Variants in WDPCP observed in about 807,000 individuals in gnomAD.
WDPCP encodes WD repeat-containing and planar cell polarity effector protein fritz homolog.
In WDPCP, 71 loss-of-function variants were observed where a neutral mutation model predicts 93.1. The observed-to-expected ratio is 0.76, with a 90% CI of 0.63 to 0.93. The LOEUF is 0.93. WDPCP is among the 40% of genes least tolerant of loss of function. The probability of loss-of-function intolerance (pLI) is 0.00; values close to 1 mark genes in which losing one functional copy is unlikely to be tolerated. For missense variants in WDPCP, 844 were observed against 887.4 expected (o/e 0.95, Z 0.62); for synonymous variants, 315 against 315.0 (o/e 1.00, Z 0.00).
intron 6 of WDPCP, among the ~76,000 whole-genome samples, chr2:63,448,792 C>T (rs1057192460): frequency 1.3e-5 from 2 of 152,146 alleles, no homozygotes; most frequent in Non-Finnish European, 1.5e-5. Flanking sequence ...ATCTCACTTA[C>T]ATGTGGAATC....
chr2:63,824,555 A>AC (rs1430237977), intron 1 of WDPCP, among the ~76,000 whole-genome samples: 2 of 150,684 alleles, frequency 1.3e-5, no homozygotes, highest in African/African-American at 2.4e-5. Context: ...AAAAAAAAAA[A>AC]AAAAAAAACA....
intron 14 of WDPCP, among the ~76,000 whole-genome samples, chr2:63,257,580 C>T (rs1213322871): frequency 6.6e-6 from 1 of 152,052 alleles, no homozygotes; most frequent in African/African-American, 2.4e-5. Context: ...AGGCTGAGGC[C>T]TGAGACAAGG....
At chr2:63,247,087 A>T (rs990654816) in intron 14 of WDPCP, among the ~76,000 whole-genome samples, 1 of 152,162 alleles carries the variant, frequency 6.6e-6, no homozygotes, top group Non-Finnish European at 1.5e-5. Context: ...GAGGCAGATA[A>T]CTCTAAAGGA....
intron 1 of WDPCP, among the ~76,000 whole-genome samples, chr2:63,544,118 T>G (rs1249169512): frequency 2.0e-5 from 3 of 152,146 alleles, no homozygotes; most frequent in African/African-American, 7.2e-5. Context: ...TAATTCTTAT[T>G]TCCAAAGAGT....
At chr2:63,491,193 T>C (rs980339318) in intron 2 of WDPCP, among the ~76,000 whole-genome samples, 1 of 152,200 alleles carries the variant, frequency 6.6e-6, no homozygotes, top group Non-Finnish European at 1.5e-5. Context: ...TATTTTTCCT[T>C]AGGTCTCTGT....
chr2:63,322,180 T>G (rs1449734690), intron 12 of WDPCP, among the ~76,000 whole-genome samples: 2 of 152,268 alleles, frequency 1.3e-5, no homozygotes, highest in East Asian at 3.9e-4. Context: ...CAGCACTTTG[T>G]GTCTAGCTAA....
intron 1 of WDPCP, among the ~76,000 whole-genome samples, chr2:63,551,332 G>T (rs944726661): frequency 2.0e-5 from 3 of 152,116 alleles, no homozygotes; most frequent in African/African-American, 7.2e-5. Flanking sequence ...TTGGAGATGG[G>T]GCCTGGCGGG....
chr2:63,648,692 A>G (rs1710078761), intron 3 of WDPCP, among the ~76,000 whole-genome samples: 1 of 152,178 alleles, frequency 6.6e-6, no homozygotes, highest in African/African-American at 2.4e-5. Flanking sequence ...ATTTTGTTGC[A>G]CGAATAAGTA....
chr2:63,776,764 A>G lies in WDPCP; in HGVS notation n.308+36858T>C, dbSNP rs1670310759. 3.3e-5 allele frequency among the ~76,000 whole-genome samples: 5 copies of G among 152,146 alleles called. No homozygotes were observed. The South Asian group carries it at 6.2e-4, about 19-fold the overall frequency. On this transcript the variant is annotated intron_variant and non_coding_transcript_variant, in intron 2 of 4. Coordinates refer to the WDPCP transcript ENST00000467687. ...ACAAATTAAAACCACAGTGCCATGGAGTACTATTTAGCCATAAAAAATGAA... is the reference window on the plus strand; with the variant it reads ...ACAAATTAAAACCACAGTGCCATGGGGTACTATTTAGCCATAAAAAATGAA...
In WDPCP at chr2:63,439,812, T is replaced by C. The variant is rs1316879799; in HGVS notation, c.444A>G (p.Lys148=). ...SLSLSGPQLE[K]VVIDRSLVGK... is the part of the protein sequence containing the mutation. ...CCACCAGGCTTCTGTCAATCACCAC[T>C]TTCTCCAGCTGCGGCCCAGAAAGGC... The change falls in exon 7 of 18, where the codon AAA becomes AAG. Residue 148 remains lysine, a synonymous_variant. Coordinates refer to ENST00000272321, the MANE Select transcript of WDPCP (RefSeq NM_015910.7). The C allele has an allele frequency of 2.5e-6, 4 of 1,613,230 alleles. No homozygotes were observed. The highest frequency in any genetic ancestry group is 3.4e-6 in the Non-Finnish European group (4 of 1,179,386).
chr2:63,752,142 A>C (rs1186511817), intron 2 of WDPCP: 5 of 618,262 alleles, frequency 8.1e-6, no homozygotes, highest in Non-Finnish European at 8.8e-6. Flanking sequence ...GGTATTTCTG[A>C]ATGACAATTT....
chr2:63,265,825 G>A (rs967540878), intron 13 of WDPCP, among the ~76,000 whole-genome samples: 1 of 152,148 alleles, frequency 6.6e-6, no homozygotes, highest in African/African-American at 2.4e-5. Flanking sequence ...TGATGAAGTG[G>A]TATTTATCCC....
chr2:63,202,387 A>G (rs567892073), intron 14 of WDPCP, among the ~76,000 whole-genome samples: 1 of 152,022 alleles, frequency 6.6e-6, no homozygotes, highest in Non-Finnish European at 1.5e-5. Flanking sequence ...GATATGGCCA[A>G]CTTTTCCTGA....
intron 17 of WDPCP, among the ~76,000 whole-genome samples, chr2:63,145,500 G>T (rs1463889878): frequency 6.6e-6 from 1 of 152,098 alleles, no homozygotes; most frequent in African/African-American, 2.4e-5. Flanking sequence ...GATTATGGCT[G>T]CCTCTGCTGA....
At chr2:63,722,902 A>G (rs1052779194) in intron 2 of WDPCP, among the ~76,000 whole-genome samples, 4 of 151,980 alleles carry the variant, frequency 2.6e-5, no homozygotes, top group African/African-American at 9.7e-5. Flanking sequence ...GTGTAGAAAG[A>G]AGTAGACATG....
chr2:63,592,858 T>C (rs1452025898), upstream of WDPCP, among the ~76,000 whole-genome samples: 1 of 152,148 alleles, frequency 6.6e-6, no homozygotes, highest in African/African-American at 2.4e-5. Context: ...AAAGTTCCTG[T>C]CCTTAAGGAT....
At chr2:63,241,263 G>C (rs377204586) in intron 14 of WDPCP, among the ~76,000 whole-genome samples, 1 of 152,036 alleles carries the variant, frequency 6.6e-6, no homozygotes, top group African/African-American at 2.4e-5. Context: ...ATGTCTTTAG[G>C]GAAAGATGCC....
chr2:63,369,750 C>T (rs1459824559), intron 12 of WDPCP, among the ~76,000 whole-genome samples: 2 of 152,156 alleles, frequency 1.3e-5, no homozygotes, highest in African/African-American at 4.8e-5. Context: ...CACAGCAATG[C>T]AAATGGAACA....
intron 12 of WDPCP, among the ~76,000 whole-genome samples, chr2:63,368,047 T>C (rs753467474): frequency 5.3e-5 from 8 of 152,192 alleles, no homozygotes; most frequent in African/African-American, 7.2e-5. Flanking sequence ...AAAACTCAAA[T>C]ACCTTTTTCA....
Sources: allele counts gnomAD v4.1 joint callset (sites outside exome capture counted in the v4.1 genomes callset), GRCh38; gene constraint gnomAD v4.1.1; transcripts MANE v1.5; gene names NCBI Gene and HGNC (gene_info 2026-07-23, HGNC 2026-07-21).